LSMEM2: variants seen among roughly 807,000 people sequenced by gnomAD.
LSMEM2 encodes the protein leucine-rich single-pass membrane protein 2.
A neutral mutation model predicts 17.3 loss-of-function variants in LSMEM2; 20 were observed. The observed-to-expected ratio is 1.16, with a 90% CI of 0.81 to 1.68. The LOEUF is 1.68. LSMEM2 is among the 40% of genes most tolerant of loss of function. The pLI is 0.00. For synonymous variants in LSMEM2, 94 were observed against 97.8 expected (o/e 0.96, Z 0.23); for missense variants, 207 against 214.3 (o/e 0.97, Z 0.21).
Position 50,287,235 on chromosome 3 carries a change from T to C in LSMEM2, c.*33T>C, listed in dbSNP as rs1181050062. On this transcript the variant is annotated 3_prime_UTR_variant, in exon 4 of 4. Transcript: ENST00000316436. ...TTTGGATCTGGGGCCTGGGGGTGTG[T>C]GTTGGTGGGGGAATAAAGTGGCTAT... The C allele has an allele frequency of 1.3e-6, 2 of 1,594,718 alleles. No homozygotes were observed. Among genetic ancestry groups the C allele is most frequent in the Non-Finnish European group, 1.7e-6 (2 of 1,169,634 alleles).
chr3:50,286,453 C>G lies in LSMEM2; in HGVS notation c.59-18C>G. ...GTTGACCCACCACTGGCTAAATCAG[C>G]CTGCGCTGCCCCTGCAGACTCCGTG... On this transcript the variant is annotated intron_variant, in intron 1 of 3. Coordinates refer to ENST00000316436, the MANE Select transcript of LSMEM2 (RefSeq NM_153215.3). 1 of 1,578,666 alleles carries G rather than the reference C, an allele frequency of 6.3e-7. No homozygotes were observed.
rs1172001864 is a variant in LSMEM2, at chr3:50,287,401, G to C, written c.*199G>C. 1.3e-6 allele frequency: 1 copy of C among 745,038 alleles called. No homozygotes were observed. Among genetic ancestry groups the C allele is most frequent in the Non-Finnish European group, 2.1e-6 (1 of 470,874 alleles). 46.2% of individuals were successfully genotyped at this position (745,038 alleles called of 1,614,324 possible). On this transcript the variant is annotated 3_prime_UTR_variant, in exon 4 of 4. Coordinates refer to ENST00000316436, the MANE Select transcript of LSMEM2 (RefSeq NM_153215.3). ...CAAGCCAGGCCTAGCCAAGCCTCTG[G>C]TGCCAAAGCCTCGCTTTGGGTGGCC...
intron 1 of LSMEM2, 146 bp from the exon 2 acceptor site, chr3:50,286,325 G>A (rs782039338): frequency 6.6e-6 from 8 of 1,214,550 alleles, no homozygotes; most frequent in Non-Finnish European, 8.9e-6. Context: ...CCAAATCAAG[G>A]GTAATTCCTG....
intron 3 of LSMEM2, 40 bp downstream of exon 3, chr3:50,286,902 G>C (rs1701560083): frequency 6.2e-7 from 1 of 1,606,654 alleles, no homozygotes; most frequent in Non-Finnish European, 8.5e-7. Context: ...GGAAAGCAAG[G>C]CAGTGGGGAC....
In LSMEM2 at chr3:50,288,049, G is replaced by T; in HGVS notation, c.*847G>T. The T allele has an allele frequency of 1.3e-6, 1 of 767,670 alleles. No homozygotes were observed. Among genetic ancestry groups the T allele is most frequent in the Non-Finnish European group, 2.2e-6 (1 of 461,902 alleles). The allele number at this position is 767,670 out of a possible 1,614,324, so 47.6% of individuals were successfully genotyped here. The stretch of plus-strand genomic sequence containing the variant: ...AGGGTCCCAAGTGTCCGGGCCCCCA[G>T]CTACCCACCCCATGTCTGTTTTTGG... On this transcript the variant is annotated 3_prime_UTR_variant, in exon 4 of 4. Coordinates refer to ENST00000316436, the MANE Select transcript of LSMEM2 (RefSeq NM_153215.3).
Position 50,287,341 on chromosome 3 carries a change from T to TTAAC in LSMEM2, c.*141_*144dup. ...GAGATTTTTGTACAAGAACCTGTTG[T>TTAAC]TAACTTAATGGCTGCCTCCCTCTCC... is the stretch of plus-strand genomic sequence containing the variant. On this transcript the variant is annotated 3_prime_UTR_variant, in exon 4 of 4. Transcript: ENST00000316436. 8.7e-7 allele frequency: 1 copy of TTAAC among 1,148,674 alleles called. No homozygotes were observed. 71.2% of individuals were successfully genotyped at this position (1,148,674 alleles called of 1,614,324 possible). A position where few individuals can be genotyped will look rare whatever the true frequency, so the allele number is the denominator to read the frequency against.
chr3:50,280,302 G>C (rs1227679010), intron 1 of LSMEM2, among the ~76,000 whole-genome samples: 1 of 150,282 alleles, frequency 6.7e-6, no homozygotes, highest in Non-Finnish European at 1.5e-5. Flanking sequence ...TTACAGGCAT[G>C]TGCTACCATG....
chr3:50,279,448 A>G (rs587710984), intron 1 of LSMEM2, among the ~76,000 whole-genome samples: 126 of 152,282 alleles, frequency 8.3e-4, no homozygotes, highest in African/African-American at 3.0e-3. Context: ...TGGGTCAACT[A>G]CAGGCTGTGC....
At chr3:50,283,970 C>G (rs1701460931) in intron 1 of LSMEM2, among the ~76,000 whole-genome samples, 1 of 152,206 alleles carries the variant, frequency 6.6e-6, no homozygotes, top group Admixed American at 6.5e-5. Context: ...CTTTGGGAGG[C>G]CAAGGCGGGT....
Position 50,287,192 on chromosome 3 carries a change from C to T in LSMEM2, c.485C>T (p.Ala162Val), listed in dbSNP as rs1376058128. 1.1e-5 allele frequency: 17 copies of T among 1,613,732 alleles called. No homozygotes were observed. Among genetic ancestry groups the T allele is most frequent in the Non-Finnish European group, 1.4e-5 (17 of 1,180,020 alleles). Residue 162 changes from alanine (A) to valine (V), a missense_variant, in exon 4 of 4, where the codon GCA (alanine) becomes GTA (valine). Ala to Val is a moderately conservative substitution (Grantham distance 64). Transcript: ENST00000316436. The part of the protein sequence containing the change: ...LRRLNSSEAQ[A>V]PS Reference sequence around the variant, plus strand: ...AGGCTCAACTCCAGTGAGGCCCAAGCACCCAGCTGAGATGCCATTTGGATC... The same window carrying T: ...AGGCTCAACTCCAGTGAGGCCCAAGTACCCAGCTGAGATGCCATTTGGATC...
In LSMEM2 at chr3:50,288,028, T is replaced by A. The variant is rs1701589587; in HGVS notation, c.*826T>A. ...GAGTGCAGGGACAAAGGGGTCAGGG[T>A]CCCAAGTGTCCGGGCCCCCAGCTAC... is the stretch of plus-strand genomic sequence containing the variant. On this transcript the variant is annotated 3_prime_UTR_variant, in exon 4 of 4. Transcript: ENST00000316436. The A allele has an allele frequency of 4.7e-6, 3 of 643,666 alleles. No individual in the cohort carries two copies. In the South Asian group the frequency reaches 5.3e-5, roughly 11 times the overall value. 39.9% of individuals were successfully genotyped at this position (643,666 alleles called of 1,614,324 possible).
At chr3:50,278,908 C>T (rs587765227), upstream of LSMEM2, 1 of 587,656 alleles carries the variant, frequency 1.7e-6, no homozygotes, top group Non-Finnish European at 3.1e-6. Context: ...TGGAGGCAGG[C>T]TCCTGGCTGG....
In LSMEM2 at chr3:50,285,741, C is replaced by T. The variant is rs12494414; in HGVS notation, c.59-730C>T. On this transcript the variant is annotated intron_variant, in intron 1 of 3. Transcript: ENST00000316436. ...ATTGGGAAAAAACCTTCATATTCAA[C>T]GGTGGATGTCCTGGGGGTTAATTTC... Among the ~76,000 whole-genome samples, 8,303 of 152,212 alleles carry T rather than the reference C, an allele frequency of 0.055. 1,596 individuals carry two copies. The East Asian group carries it at 0.62, about 11-fold the overall frequency.
Position 50,287,878 on chromosome 3 carries a change from A to T in LSMEM2, c.*676A>T, listed in dbSNP as rs1553708841. ...GCCACCACCCCCCTAAGAGTGGGTC[A>T]TCCTGGGGGAGCAAGGCCTGAGAAA... is the stretch of plus-strand genomic sequence containing the variant. On this transcript the variant is annotated 3_prime_UTR_variant, in exon 4 of 4. Coordinates refer to ENST00000316436, the MANE Select transcript of LSMEM2 (RefSeq NM_153215.3). 1 of 364,978 alleles carries T rather than the reference A, an allele frequency of 2.7e-6. No homozygotes were observed. Among genetic ancestry groups the T allele is most frequent in the African/African-American group, 2.1e-5 (1 of 48,726 alleles). 22.6% of individuals were successfully genotyped at this position (364,978 alleles called of 1,614,324 possible). A position where few individuals can be genotyped will look rare whatever the true frequency, so the allele number is the denominator to read the frequency against.
chr3:50,281,766 C>T (rs1701405215), intron 1 of LSMEM2, among the ~76,000 whole-genome samples: 1 of 148,700 alleles, frequency 6.7e-6, no homozygotes, highest in Non-Finnish European at 1.5e-5. Context: ...GCAGCCTTGA[C>T]TTCCTGGACT....
chr3:50,280,595 CTT>C (rs58315474), intron 1 of LSMEM2, among the ~76,000 whole-genome samples: 286 of 136,270 alleles, frequency 2.1e-3, no homozygotes, highest in African/African-American at 3.0e-3. Context: ...CCTTTCTTTT[CTT>C]TTTTTTTTTT....
intron 1 of LSMEM2, 56 bp downstream of exon 1, chr3:50,279,227 C>T: frequency 6.5e-7 from 1 of 1,530,728 alleles, no homozygotes; most frequent in South Asian, 1.1e-5. Context: ...ACCTTGTGGA[C>T]CATGGAGAGA....
intron 1 of LSMEM2, among the ~76,000 whole-genome samples, chr3:50,284,575 CAA>C (rs1258817388): frequency 6.6e-6 from 1 of 151,404 alleles, no homozygotes; most frequent in East Asian, 1.9e-4. Flanking sequence ...ACAAAAAATA[CAA>C]AAAAAATTAA....
At position 50,287,241 on chromosome 3, in the gene LSMEM2, T is replaced by C. The variant is rs12629572; in HGVS notation, c.*39T>C. 6 of 1,606,116 alleles carry C rather than the reference T, an allele frequency of 3.7e-6. No individual in the cohort carries two copies. Among genetic ancestry groups the C allele is most frequent in the Admixed American group, 3.4e-5 (2 of 59,496 alleles). On this transcript the variant is annotated 3_prime_UTR_variant, in exon 4 of 4. Transcript: ENST00000316436. ...TCTGGGGCCTGGGGGTGTGTGTTGG[T>C]GGGGGAATAAAGTGGCTATGGGCAG...
Sources: gnomAD v4.1 joint callset for allele counts (sites outside exome capture counted in the v4.1 genomes callset) on GRCh38, gnomAD v4.1.1 for gene constraint, MANE v1.5 for transcripts, NCBI Gene and HGNC (gene_info 2026-07-23, HGNC 2026-07-21) for gene names.